Variants in C12orf56 observed in about 807,000 individuals in gnomAD.
C12orf56 encodes the protein chromosome 12 open reading frame 56, also known as uncharacterized protein C12orf56.
A neutral mutation model predicts 69.9 loss-of-function variants in C12orf56; 71 were observed. The ratio of observed to expected loss-of-function variants is 1.02; its 90% CI spans 0.84 to 1.24. C12orf56 has a LOEUF of 1.24. Among genes scored for constraint, C12orf56 ranks in the 50% most tolerant of loss-of-function variants. The pLI is 0.00. For synonymous variants in C12orf56, 276 were observed against 274.1 expected (o/e 1.01, Z -0.07); for missense variants, 732 against 738.5 (o/e 0.99, Z 0.10).
At chr12:64,348,099 C>CA (rs56882687) in intron 2 of C12orf56, among the ~76,000 whole-genome samples, 23,518 of 151,982 alleles carry the variant, frequency 0.15, 1,986 homozygotes, top group East Asian at 0.28. Flanking sequence ...GTCAACATGG[C>CA]AAAACCCCAT....
chr12:64,297,164 G>C (rs2038377706), intron 6 of C12orf56, among the ~76,000 whole-genome samples: 2 of 152,226 alleles, frequency 1.3e-5, no homozygotes, highest in African/African-American at 4.8e-5. Flanking sequence ...CACTGCTTTA[G>C]CTTAAGGCTA....
At chr12:64,316,539 C>G (rs7310610) in intron 4 of C12orf56, among the ~76,000 whole-genome samples, 67,980 of 151,930 alleles carry the variant, frequency 0.45, 15,582 homozygotes, top group African/African-American at 0.54. Flanking sequence ...TGCTACTACA[C>G]CACACCTGGC....
At chr12:64,297,177 A>G (rs1029570551) in intron 6 of C12orf56, among the ~76,000 whole-genome samples, 2 of 152,184 alleles carry the variant, frequency 1.3e-5, no homozygotes, top group Admixed American at 6.5e-5. Flanking sequence ...TAAGGCTATG[A>G]TAACAATTTA....
At chr12:64,308,373 T>C (rs747234823) in intron 5 of C12orf56, among the ~76,000 whole-genome samples, 1 of 152,068 alleles carries the variant, frequency 6.6e-6, no homozygotes, top group Non-Finnish European at 1.5e-5. Context: ...AACATAAAAA[T>C]GTTTTCTTAG....
chr12:64,351,881 A>AGC (rs59432921), intron 2 of C12orf56, among the ~76,000 whole-genome samples: 2 of 150,668 alleles, frequency 1.3e-5, no homozygotes, highest in Non-Finnish European at 3.0e-5. Flanking sequence ...AAAAAAAAAA[A>AGC]GCCACTTTCT....
chr12:64,383,489 G>T (rs2039748744), intron 1 of C12orf56, among the ~76,000 whole-genome samples: 2 of 151,978 alleles, frequency 1.3e-5, no homozygotes, highest in African/African-American at 4.8e-5. Context: ...CAATTCTCCT[G>T]TCTCAGCCCT....
intron 8 of C12orf56, among the ~76,000 whole-genome samples, chr12:64,284,033 G>A (rs1325272696): frequency 6.6e-6 from 1 of 151,874 alleles, no homozygotes; most frequent in Non-Finnish European, 1.5e-5. Flanking sequence ...GAGTAGCTGG[G>A]ATTACAAGTG....
At chr12:64,305,074 A>G (rs2038494041) in intron 5 of C12orf56, among the ~76,000 whole-genome samples, 1 of 152,108 alleles carries the variant, frequency 6.6e-6, no homozygotes, top group Non-Finnish European at 1.5e-5. Context: ...AACATCTAAG[A>G]TGTTCTCCTT....
intron 7 of C12orf56, among the ~76,000 whole-genome samples, chr12:64,285,192 A>G (rs1044248331): frequency 1.1e-4 from 17 of 152,300 alleles, no homozygotes; most frequent in Admixed American, 2.0e-4. Flanking sequence ...TCTAAAAAAA[A>G]AAAAAAGAAA....
chr12:64,303,333 T>C (rs753808643), intron 6 of C12orf56, among the ~76,000 whole-genome samples: 2 of 149,110 alleles, frequency 1.3e-5, no homozygotes, highest in African/African-American at 4.9e-5. Flanking sequence ...ACTGTCTATA[T>C]ATCTTGTATG....
At chr12:64,377,604 ATATT>A (rs1475806879) in intron 1 of C12orf56, among the ~76,000 whole-genome samples, 2 of 152,160 alleles carry the variant, frequency 1.3e-5, no homozygotes, top group Non-Finnish European at 2.9e-5. Flanking sequence ...GAATAAATCT[ATATT>A]TATCTTATCC....
In C12orf56 at chr12:64,338,813, C is replaced by T. The variant is rs77623908; in HGVS notation, c.416-7781G>A. 5.0e-4 allele frequency: 551 copies of T among 1,105,236 alleles called. 3 individuals carry two copies. In the East Asian group the frequency reaches 0.012, roughly 23 times the overall value. 68.5% of individuals were successfully genotyped at this position (1,105,236 alleles called of 1,614,324 possible). A position where few individuals can be genotyped will look rare whatever the true frequency, so the allele number is the denominator to read the frequency against. On this transcript the variant is annotated intron_variant, in intron 2 of 12. Coordinates refer to ENST00000543942, the MANE Select transcript of C12orf56 (RefSeq NM_001170633.2). ...AGCCATGGTGAGAGCAAAGCTAGGC[C>T]GGTGAGCAGCAGGCTCGAGTTTAGG...
At chr12:64,357,487 A>T (rs1398574103) in intron 1 of C12orf56, among the ~76,000 whole-genome samples, 2 of 150,812 alleles carry the variant, frequency 1.3e-5, no homozygotes, top group African/African-American at 4.9e-5. Flanking sequence ...ATCTCAGGTC[A>T]CTGCAACCTC....
At chr12:64,384,758 T>TTAAAAATG (rs1332671406) in intron 1 of C12orf56, among the ~76,000 whole-genome samples, 1 of 152,086 alleles carries the variant, frequency 6.6e-6, no homozygotes, top group Non-Finnish European at 1.5e-5. Flanking sequence ...GTTCTCACAC[T>TTAAAAATG]TAAAAATGTA....
chr12:64,269,233 TCATC>T (rs997460618), intron 12 of C12orf56, among the ~76,000 whole-genome samples: 27 of 152,278 alleles, frequency 1.8e-4, no homozygotes, highest in Admixed American at 3.3e-4. Context: ...TTTTACGTCT[TCATC>T]CAAACAAATG....
At chr12:64,303,411 C>G (rs2038472203) in intron 6 of C12orf56, among the ~76,000 whole-genome samples, 1 of 150,704 alleles carries the variant, frequency 6.6e-6, no homozygotes, top group Non-Finnish European at 1.5e-5. Context: ...CTACTTTTTG[C>G]TACCACTCCC....
rs182836354 is a variant in C12orf56 at position 64,347,639 on chromosome 12, C to A, written c.415+5255G>T. 4.1e-3 allele frequency among the ~76,000 whole-genome samples: 629 copies of A among 152,222 alleles called. 5 individuals carry two copies. The highest frequency in any genetic ancestry group is 0.015 in the African/African-American group (611 of 41,536). ...TCCCCCAGGATGGATCTTCTTCTACCTGTCTCTCTAGTTATATATGTGTTG... is the reference window on the plus strand; with the variant it reads ...TCCCCCAGGATGGATCTTCTTCTACATGTCTCTCTAGTTATATATGTGTTG... On this transcript the variant is annotated intron_variant, in intron 2 of 12. Coordinates refer to ENST00000543942, the MANE Select transcript of C12orf56 (RefSeq NM_001170633.2).
At chr12:64,308,187 T>C (rs2136815080) in intron 5 of C12orf56, among the ~76,000 whole-genome samples, 1 of 152,164 alleles carries the variant, frequency 6.6e-6, no homozygotes, top group East Asian at 1.9e-4. Context: ...CCAGGCATGC[T>C]GGTGCACATC....
At chr12:64,346,122 T>C (rs1033894986) in intron 2 of C12orf56, among the ~76,000 whole-genome samples, 1 of 152,116 alleles carries the variant, frequency 6.6e-6, no homozygotes, top group African/African-American at 2.4e-5. Flanking sequence ...ATGGAATATA[T>C]ACATATACAA....
Sources: gnomAD v4.1 joint callset for allele counts (sites outside exome capture counted in the v4.1 genomes callset) on GRCh38, gnomAD v4.1.1 for gene constraint, MANE v1.5 for transcripts, NCBI Gene and HGNC (gene_info 2026-07-23, HGNC 2026-07-21) for gene names.